INKA2: variants seen among roughly 807,000 people sequenced by gnomAD.
INKA2 encodes the protein PAK4-inhibitor INKA2.
INKA2 carries 3 observed loss-of-function variants against 9.8 expected under a neutral mutation model. The observed-to-expected ratio is 0.31, with a 90% CI of 0.14 to 0.79. The LOEUF is 0.79. INKA2 is among the 30% of genes least tolerant of loss of function. The pLI is 0.62. For missense variants in INKA2, 392 were observed against 384.4 expected (o/e 1.02, Z -0.17); for synonymous variants, 147 against 143.3 (o/e 1.03, Z -0.18).
At chr1:111,731,497 C>T (rs1216751898) in intron 1 of INKA2, among the ~76,000 whole-genome samples, 1 of 152,032 alleles carries the variant, frequency 6.6e-6, no homozygotes, top group Non-Finnish European at 1.5e-5. Flanking sequence ...ACTACAGGCA[C>T]AGGTCAGCAT....
At chr1:111,736,978 G>C (rs1336348363) in intron 1 of INKA2, among the ~76,000 whole-genome samples, 1 of 152,148 alleles carries the variant, frequency 6.6e-6, no homozygotes, top group Non-Finnish European at 1.5e-5. Context: ...CAGGGAGTGA[G>C]TGACACTCTA....
chr1:111,743,749 A>G (rs1160520334), upstream of INKA2, among the ~76,000 whole-genome samples: 11 of 152,182 alleles, frequency 7.2e-5, no homozygotes, highest in Admixed American at 7.2e-4. Context: ...ATGTGGTCAC[A>G]TACCAGTCTG....
intron 1 of INKA2, chr1:111,755,689 G>T (rs1356068857): frequency 6.2e-7 from 1 of 1,613,696 alleles, no homozygotes; most frequent in Non-Finnish European, 8.5e-7. Context: ...CAGGCCACAG[G>T]CAGCGACTCA....
At chr1:111,755,128 C>CTGCGGAGGCGGATGCATGGAGGCAGA (rs1553233453) in intron 1 of INKA2, 3,407 of 154,354 alleles carry the variant, frequency 0.022, 138 homozygotes, top group African/African-American at 0.077. Flanking sequence ...AAGGGAGGTG[C>CTGCGGAGGCGGATGCATGGAGGCAGA]TGCGGAGGCG....
At chr1:111,728,932 T>A (rs903869982) in intron 1 of INKA2, among the ~76,000 whole-genome samples, 1 of 109,776 alleles carries the variant, frequency 9.1e-6, no homozygotes, top group African/African-American at 3.5e-5. Flanking sequence ...AACAGGGTCT[T>A]GCTGTTTGCT....
intron 1 of INKA2, chr1:111,747,784 C>G (rs1255317974): frequency 1.3e-5 from 2 of 152,156 alleles, no homozygotes; most frequent in East Asian, 3.8e-4. Flanking sequence ...ACAAGGACAT[C>G]CTGGGTGAGG....
chr1:111,736,073 C>A (rs905672151), intron 1 of INKA2, among the ~76,000 whole-genome samples: 1 of 152,208 alleles, frequency 6.6e-6, no homozygotes, highest in Non-Finnish European at 1.5e-5. Flanking sequence ...GGGAGCTGTG[C>A]GTACGGAACA....
chr1:111,733,293 C>T (rs1662950903), intron 1 of INKA2, among the ~76,000 whole-genome samples: 1 of 152,222 alleles, frequency 6.6e-6, no homozygotes, highest in Non-Finnish European at 1.5e-5. Context: ...AAACTGAAAG[C>T]TTTCCTGGAG....
chr1:111,744,189 C>T (rs1311269403), upstream of INKA2, among the ~76,000 whole-genome samples: 1 of 152,204 alleles, frequency 6.6e-6, no homozygotes, highest in Non-Finnish European at 1.5e-5. Flanking sequence ...CCAGGAGGGA[C>T]AGCTGAGAGG....
upstream of INKA2, among the ~76,000 whole-genome samples, chr1:111,741,257 C>T (rs945388087): frequency 2.6e-5 from 4 of 152,110 alleles, no homozygotes; most frequent in Admixed American, 6.5e-5. Context: ...TCCCTCTGGG[C>T]GAAGCTGGGG....
intron 1 of INKA2, among the ~76,000 whole-genome samples, chr1:111,732,301 G>A (rs1662923691): frequency 6.6e-6 from 1 of 152,134 alleles, no homozygotes; most frequent in Admixed American, 6.5e-5. Flanking sequence ...GAAGAAAAGG[G>A]GGCAGTAAGG....
At chr1:111,734,532 C>A (rs74546596) in intron 1 of INKA2, among the ~76,000 whole-genome samples, 4,183 of 152,234 alleles carry the variant, frequency 0.027, 190 homozygotes, top group African/African-American at 0.097. Flanking sequence ...TTCTGGATCC[C>A]AGGGCTGCTC....
chr1:111,744,841 C>T (rs1663226369), intron 1 of INKA2, among the ~76,000 whole-genome samples: 1 of 152,074 alleles, frequency 6.6e-6, no homozygotes, highest in African/African-American at 2.4e-5. Flanking sequence ...CGTGCTTTTA[C>T]CCATAGTGCT....
Position 111,726,308 on chromosome 1 carries a change from T to C in INKA2, c.*660A>G, listed in dbSNP as rs1662769366. 5.4e-6 allele frequency: 2 copies of C among 373,388 alleles called. No homozygotes were observed. The highest frequency in any genetic ancestry group is 9.5e-6 in the Non-Finnish European group (2 of 210,734). The allele number at this position is 373,388 out of a possible 1,614,324, so 23.1% of individuals were successfully genotyped here. A position where few individuals can be genotyped will look rare whatever the true frequency, so the allele number is the denominator to read the frequency against. ...GCATGGGGGAGACGCGGGGAGTGTC[T>C]AGGGCTTCCCTGGCTGCTCCTTACA... On this transcript the variant is annotated 3_prime_UTR_variant, in exon 2 of 2. Transcript: ENST00000357260.
rs1270396938 is a variant in INKA2 at position 111,724,316 on chromosome 1, G to C, written c.*2652C>G. 1 of 152,176 alleles carries C rather than the reference G, an allele frequency of 6.6e-6. No homozygotes were observed. Among genetic ancestry groups the C allele is most frequent in the Non-Finnish European group, 1.5e-5 (1 of 68,050 alleles). The allele number at this position is 152,176 out of a possible 1,614,324, so 9.4% of individuals were successfully genotyped here. A position where few individuals can be genotyped will look rare whatever the true frequency, so the allele number is the denominator to read the frequency against. ...GTTCTTAGTTTCTATAACAACACCT[G>C]GTGCTGGGAGGTGTTCATAAAGTTC... is the stretch of plus-strand genomic sequence containing the variant. On this transcript the variant is annotated 3_prime_UTR_variant, in exon 2 of 2. Coordinates refer to ENST00000357260, the MANE Select transcript of INKA2 (RefSeq NM_019099.5).
At position 111,727,360 on chromosome 1, in the gene INKA2, T is replaced by C; in HGVS notation, c.502A>G (p.Asn168Asp). 6.2e-7 allele frequency: 1 copy of C among 1,614,110 alleles called. No homozygotes were observed. Among genetic ancestry groups the C allele is most frequent in the Non-Finnish European group, 8.5e-7 (1 of 1,180,004 alleles). ...TCCAGTTCTGGCAAGTCTAGCCAAT[T>C]GCCCACCAGGTCTGCAAAAACGTTG... ...GDNVFADLVG[N>D]WLDLPELEKG... Residue 168 changes from asparagine (N) to aspartate (D), a missense_variant, in exon 2 of 2, where the codon AAT becomes GAT. Coordinates refer to ENST00000357260, the MANE Select transcript of INKA2 (RefSeq NM_019099.5).
rs1662713311 is a variant in INKA2, at chr1:111,724,198, C to A, written c.*2770G>T. 1 of 152,204 alleles carries A rather than the reference C, an allele frequency of 6.6e-6. No individual in the cohort carries two copies. The highest frequency in any genetic ancestry group is 1.5e-5 in the Non-Finnish European group (1 of 68,036). 9.4% of individuals were successfully genotyped at this position (152,204 alleles called of 1,614,324 possible). A position where few individuals can be genotyped will look rare whatever the true frequency, so the allele number is the denominator to read the frequency against. On this transcript the variant is annotated 3_prime_UTR_variant, in exon 2 of 2. Coordinates refer to ENST00000357260, the MANE Select transcript of INKA2 (RefSeq NM_019099.5). ...CCAAGTTGAAACAAGTTTTCAGTCT[C>A]CCAAGTCTCTTCTGACTAACCAATG...
At chr1:111,743,334 G>A (rs1431241199), upstream of INKA2, among the ~76,000 whole-genome samples, 1 of 152,198 alleles carries the variant, frequency 6.6e-6, no homozygotes, top group African/African-American at 2.4e-5. Context: ...CAGAAGGTAC[G>A]TAGCCATTTG....
At chr1:111,738,628 C>A (rs1663059966) in intron 1 of INKA2, among the ~76,000 whole-genome samples, 1 of 152,288 alleles carries the variant, frequency 6.6e-6, no homozygotes, top group Middle Eastern at 3.4e-3. Flanking sequence ...CAAGCCTGCC[C>A]CCGCAGCCGC....
Sources: gnomAD v4.1 joint callset for allele counts (sites outside exome capture counted in the v4.1 genomes callset) on GRCh38, gnomAD v4.1.1 for gene constraint, MANE v1.5 for transcripts, NCBI Gene and HGNC (gene_info 2026-07-23, HGNC 2026-07-21) for gene names.